Variants in RGP1 observed in about 807,000 individuals in gnomAD.
RGP1 encodes RAB6A-GEF complex partner protein 2.
A neutral mutation model predicts 44.5 loss-of-function variants in RGP1; 28 were observed. That is an observed-to-expected ratio of 0.63 (90% CI 0.47 to 0.86). The LOEUF (loss-of-function observed/expected upper bound fraction) is 0.86, where lower values mean the gene tolerates loss of function less well. Among genes scored for constraint, RGP1 ranks in the 40% least tolerant of loss-of-function variants. The pLI is 0.00. For missense variants in RGP1, 417 were observed against 490.7 expected, an observed-to-expected ratio of 0.85 and a Z score of 1.42; for synonymous variants, 212 against 196.7, an observed-to-expected ratio of 1.08 and a Z score of -0.65.
Position 35,751,990 on chromosome 9 carries a change from A to G in RGP1, c.797A>G (p.Gln266Arg), listed in dbSNP as rs1209025061. 1.3e-6 allele frequency: 2 copies of G among 1,596,378 alleles called. No individual in the cohort carries two copies. The highest frequency in any genetic ancestry group is 3.5e-5 in the Admixed American group (2 of 57,860). ...SVSLQTEERV[Q>R]PEYQRRRGAG... ...AGCTTACAGACCGAGGAGCGTGTAC[A>G]GCCTGAGTACCAGCGGCGACGTGGG... The change falls in exon 8 of 9, where the codon CAG (glutamine) becomes CGG (arginine). Residue 266 changes from glutamine (Q) to arginine (R), a missense_variant. Gln to Arg is a conservative substitution (Grantham distance 43, BLOSUM62 1). Transcript: ENST00000378078.
chr9:35,753,719 G>T lies in RGP1; in HGVS notation c.*845G>T, dbSNP rs755520107. On this transcript the variant is annotated 3_prime_UTR_variant, in exon 9 of 9. Coordinates refer to ENST00000378078, the MANE Select transcript of RGP1 (RefSeq NM_001080496.3). The surrounding 1 kb of genome is among the most constrained non-coding windows in gnomAD (Gnocchi z 4.2). ...AGGTGCAATGGAAACAGTCCTTGCG[G>T]AGCCAAGACTCACCCAGGGTAAAAT... 6.2e-7 allele frequency: 1 copy of T among 1,614,070 alleles called. No homozygotes were observed. Among genetic ancestry groups the T allele is most frequent in the Non-Finnish European group, 8.5e-7 (1 of 1,180,030 alleles).
chr9:35,776,631 G>A, the RGP1 span, among the ~76,000 whole-genome samples: 1 of 151,980 alleles, frequency 6.6e-6, no homozygotes, highest in African/African-American at 2.4e-5. Context: ...TATTTTCAAA[G>A]TGTCATCCTT....
chr9:35,766,132 G>A, the RGP1 span, among the ~76,000 whole-genome samples: 2 of 130,302 alleles, frequency 1.5e-5, no homozygotes, highest in Non-Finnish European at 3.2e-5. Flanking sequence ...GCCGGCCTTA[G>A]TATTGTCAGT....
the RGP1 span, among the ~76,000 whole-genome samples, chr9:35,789,081 G>A: frequency 9.9e-5 from 15 of 151,490 alleles, no homozygotes; most frequent in Admixed American, 8.6e-4. Context: ...ACAGTGGCGC[G>A]ATCTCTGCTC....
At position 35,752,058 on chromosome 9, in the gene RGP1, C is replaced by T. The variant is rs1008159520; in HGVS notation, c.865C>T (p.His289Tyr). The T allele has an allele frequency of 2.5e-6, 4 of 1,611,326 alleles. No individual in the cohort carries two copies. Among genetic ancestry groups the T allele is most frequent in the Middle Eastern group, 3.3e-4 (2 of 6,050 alleles). ...TGTGTCACATGTGACTCACGCCCGG[C>T]ACCAGGAATCCTGCCTACATACAAC... Reference protein sequence around the residue: ...PSVSHVTHARHQESCLHTTRT... With the variant: ...PSVSHVTHARYQESCLHTTRT... Residue 289 changes from histidine (H) to tyrosine (Y), a missense_variant, in exon 8 of 9, where the codon CAC becomes TAC. Physicochemically the swap from His to Tyr is moderately conservative, Grantham distance 83 (BLOSUM62 2). Transcript: ENST00000378078.
chr9:35,752,846 G>A lies in RGP1; in HGVS notation c.1148G>A (p.Gly383Asp), dbSNP rs1488863343. 1.2e-6 allele frequency: 2 copies of A among 1,613,724 alleles called. No individual in the cohort carries two copies. The highest frequency in any genetic ancestry group is 1.7e-6 in the Non-Finnish European group (2 of 1,179,814). ...SPTLASYAAP[G>D]PSTSTITI ...ACCCTGGCCTCATATGCTGCCCCAGGCCCCAGCACCAGCACCATAACCATC... is the reference window on the plus strand; with the variant it reads ...ACCCTGGCCTCATATGCTGCCCCAGACCCCAGCACCAGCACCATAACCATC... The change falls in exon 9 of 9, where the codon GGC (glycine) becomes GAC (aspartate). Residue 383 changes from glycine (G) to aspartate (D), a missense_variant. By Grantham distance (94) the Gly-to-Asp change is moderately conservative. Transcript: ENST00000378078.
the RGP1 span, among the ~76,000 whole-genome samples, chr9:35,784,370 G>C: frequency 1.3e-5 from 2 of 152,106 alleles, no homozygotes; most frequent in Non-Finnish European, 2.9e-5. Context: ...TTTTTCTAAT[G>C]CTTTCATGGT....
chr9:35,752,011 G>A lies in RGP1; in HGVS notation c.818G>A (p.Arg273His), dbSNP rs377250981. 17 of 1,605,670 alleles carry A rather than the reference G, an allele frequency of 1.1e-5. No individual in the cohort carries two copies. Among genetic ancestry groups the A allele is most frequent in the Admixed American group, 5.1e-5 (3 of 58,682 alleles). ...ERVQPEYQRR[R>H]GAGGVPSVSH... ...GTACAGCCTGAGTACCAGCGGCGAC[G>A]TGGGGCAGGGGGTGTCCCCTCTGTG... The change falls in exon 8 of 9, where the codon CGT (arginine) becomes CAT (histidine). Residue 273 changes from arginine to histidine, a missense_variant. Coordinates refer to ENST00000378078, the MANE Select transcript of RGP1 (RefSeq NM_001080496.3).
the RGP1 span, among the ~76,000 whole-genome samples, chr9:35,773,045 C>A: frequency 1.3e-5 from 2 of 151,944 alleles, no homozygotes; most frequent in Admixed American, 1.3e-4. Flanking sequence ...CCTTGTGGTA[C>A]CTTAAAAAAA....
At chr9:35,759,991 C>T (rs1458481534), downstream of RGP1, among the ~76,000 whole-genome samples, 1 of 151,576 alleles carries the variant, frequency 6.6e-6, no homozygotes, top group Non-Finnish European at 1.5e-5. Context: ...GGGCTGCGTC[C>T]ACTGAGGGGC....
downstream of RGP1, among the ~76,000 whole-genome samples, chr9:35,759,765 A>T (rs1284662963): frequency 6.6e-6 from 1 of 151,654 alleles, no homozygotes; most frequent in Non-Finnish European, 1.5e-5. Flanking sequence ...TGATATAATT[A>T]TTGATCTCCT....
chr9:35,754,214 C>A lies in RGP1; in HGVS notation c.*1340C>A. 5 of 1,506,624 alleles carry A rather than the reference C, an allele frequency of 3.3e-6. No homozygotes were observed. Among genetic ancestry groups the A allele is most frequent in the Non-Finnish European group, 4.5e-6 (5 of 1,118,044 alleles). The allele number at this position is 1,506,624 out of a possible 1,614,324, so 93.3% of individuals were successfully genotyped here. ...CTCCTTGACTTTGCTTTGCGTTGCT[C>A]CTTGAGTCTTAGTTTCTGTCTTTCT... On this transcript the variant is annotated 3_prime_UTR_variant, in exon 9 of 9. Transcript: ENST00000378078.
downstream of RGP1, among the ~76,000 whole-genome samples, chr9:35,758,790 A>G (rs1213415192): frequency 6.8e-6 from 1 of 147,130 alleles, no homozygotes; most frequent in Non-Finnish European, 1.5e-5. Flanking sequence ...GCCAACATAC[A>G]CCACTACTGC....
the RGP1 span, among the ~76,000 whole-genome samples, chr9:35,769,642 G>A: frequency 3.9e-5 from 6 of 152,190 alleles, no homozygotes; most frequent in South Asian, 2.1e-4. Context: ...ATGAAAAGTC[G>A]GAAGAAAGTT....
chr9:35,770,181 T>C, the RGP1 span, among the ~76,000 whole-genome samples: 1 of 152,174 alleles, frequency 6.6e-6, no homozygotes, highest in Non-Finnish European at 1.5e-5. Context: ...TGGAGGTATG[T>C]CCAGCAAGGC....
At chr9:35,772,309 C>A in the RGP1 span, 1 of 152,020 alleles carries the variant, frequency 6.6e-6, no homozygotes, top group East Asian at 1.9e-4. Context: ...ATCTTCATCA[C>A]GGGGAGACAT....
the RGP1 span, among the ~76,000 whole-genome samples, chr9:35,776,962 T>C: frequency 6.8e-6 from 1 of 146,432 alleles, no homozygotes; most frequent in East Asian, 2.1e-4. Flanking sequence ...ACTACTGCAC[T>C]CCAGCCTGGG....
rs1827373027 is a variant in RGP1, at chr9:35,757,369, G to A, written c.*4495G>A. 6.6e-6 allele frequency: 1 copy of A among 152,456 alleles called. No homozygotes were observed. Among genetic ancestry groups the A allele is most frequent in the African/African-American group, 2.4e-5 (1 of 41,470 alleles). 9.4% of individuals were successfully genotyped at this position (152,456 alleles called of 1,614,324 possible). A position where few individuals can be genotyped will look rare whatever the true frequency, so the allele number is the denominator to read the frequency against. Reference sequence around the variant, plus strand: ...ACACTGAACACAGTCTGACTGTATGGAGGCAGGTGGGGAGGGATCCCCTGG... The same window carrying A: ...ACACTGAACACAGTCTGACTGTATGAAGGCAGGTGGGGAGGGATCCCCTGG... On this transcript the variant is annotated 3_prime_UTR_variant, in exon 9 of 9. Coordinates refer to ENST00000378078, the MANE Select transcript of RGP1 (RefSeq NM_001080496.3).
Position 35,754,257 on chromosome 9 carries a change from C to T in RGP1, c.*1383C>T, listed in dbSNP as rs1422439523. 6 of 1,198,708 alleles carry T rather than the reference C, an allele frequency of 5.0e-6. No homozygotes were observed. The highest frequency in any genetic ancestry group is 2.9e-4 in the Middle Eastern group (1 of 3,492). The allele number at this position is 1,198,708 out of a possible 1,614,324, so 74.3% of individuals were successfully genotyped here. A position where few individuals can be genotyped will look rare whatever the true frequency, so the allele number is the denominator to read the frequency against. On this transcript the variant is annotated 3_prime_UTR_variant, in exon 9 of 9. Coordinates refer to ENST00000378078, the MANE Select transcript of RGP1 (RefSeq NM_001080496.3). ...GTCTTTCTCCCCTGGGCTCCTGTCT[C>T]ACACTATCTCCCTGCCCTCTGCTCT...
Sources: gnomAD v4.1 joint callset for allele counts (sites outside exome capture counted in the v4.1 genomes callset) on GRCh38, gnomAD v4.1.1 for gene constraint, Gnocchi (gnomAD v3.1) non-coding constraint, MANE v1.5 for transcripts, NCBI Gene and HGNC (gene_info 2026-07-23, HGNC 2026-07-21) for gene names.